Variants in ST8SIA5 observed in about 807,000 individuals in gnomAD.
The protein encoded by ST8SIA5 is alpha-2,8-sialyltransferase 8E.
A neutral mutation model predicts 40.2 loss-of-function variants in ST8SIA5; 24 were observed. That is an observed-to-expected ratio of 0.60 (90% confidence interval 0.43 to 0.84). The LOEUF is 0.84. ST8SIA5 is among the 40% of genes least tolerant of loss of function. ST8SIA5 has a pLI of 0.00. For synonymous variants in ST8SIA5, 198 were observed against 201.8 expected (o/e 0.98, Z 0.16); for missense variants, 465 against 498.5 (o/e 0.93, Z 0.64).
chr18:46,675,466 G>A lies in ST8SIA5; in HGVS notation c.*4576C>T, dbSNP rs1229788908. 1 of 152,154 alleles carries A rather than the reference G, an allele frequency of 6.6e-6. No individual in the cohort carries two copies. Among genetic ancestry groups the A allele is most frequent in the Non-Finnish European group, 1.5e-5 (1 of 68,040 alleles). 9.4% of individuals were successfully genotyped at this position (152,154 alleles called of 1,614,324 possible). A position where few individuals can be genotyped will look rare whatever the true frequency, so the allele number is the denominator to read the frequency against. On this transcript the variant is annotated 3_prime_UTR_variant, in exon 7 of 7. Coordinates refer to ENST00000315087, the MANE Select transcript of ST8SIA5 (RefSeq NM_013305.6). The stretch of plus-strand genomic sequence containing the variant: ...ACTATACCAGTTGAGGACATGTTGA[G>A]GTCTGAGATGCTGTGCAGACACAGA...
intron 2 of ST8SIA5, among the ~76,000 whole-genome samples, chr18:46,695,001 A>T (rs1174568128): frequency 1.3e-5 from 2 of 152,062 alleles, no homozygotes; most frequent in Non-Finnish European, 2.9e-5. Context: ...TCCACTAAAA[A>T]TACAAAAATT....
At chr18:46,687,247 TAAG>T (rs1306455393) in intron 4 of ST8SIA5, among the ~76,000 whole-genome samples, 5 of 152,244 alleles carry the variant, frequency 3.3e-5, no homozygotes, top group African/African-American at 1.2e-4. Flanking sequence ...TGGCATCTAA[TAAG>T]ATTGAAAGTG....
chr18:46,692,050 G>T (rs1010822248), intron 3 of ST8SIA5, 119 bp downstream of exon 3: 7 of 1,026,964 alleles, frequency 6.8e-6, no homozygotes, highest in Non-Finnish European at 9.1e-6. Flanking sequence ...GCCCAGTCAG[G>T]GTCTGCTCTG....
intron 2 of ST8SIA5, among the ~76,000 whole-genome samples, chr18:46,694,906 C>T (rs1599108400): frequency 6.6e-6 from 1 of 151,926 alleles, no homozygotes; most frequent in Admixed American, 6.6e-5. Context: ...CGTCTCTAAT[C>T]CCAGCACTTT....
At position 46,680,293 on chromosome 18, in the gene ST8SIA5, C is replaced by A; in HGVS notation, c.880G>T (p.Val294Leu). Residue 294 changes from valine to leucine, a missense_variant, in exon 7 of 7, where the codon GTG (valine) becomes TTG (leucine). Coordinates refer to ENST00000315087, the MANE Select transcript of ST8SIA5 (RefSeq NM_013305.6). Reference sequence around the variant, plus strand: ...CCGGTGCTGATGCGCTTGGCGCGCACCCCCAGGCTGAGCCAGTAGCGCGAC... The same window carrying A: ...CCGGTGCTGATGCGCTTGGCGCGCAACCCCAGGCTGAGCCAGTAGCGCGAC... ...NVSRYWLSLG[V>L]RAKRISTGLI... 6.2e-7 allele frequency: 1 copy of A among 1,614,208 alleles called. No homozygotes were observed. Among genetic ancestry groups the A allele is most frequent in the Non-Finnish European group, 8.5e-7 (1 of 1,180,040 alleles).
chr18:46,680,289 C>A lies in ST8SIA5; in HGVS notation c.884G>T (p.Arg295Leu). The A allele has an allele frequency of 6.2e-7, 1 of 1,614,192 alleles. No homozygotes were observed. The highest frequency in any genetic ancestry group is 2.2e-5 in the East Asian group (1 of 44,882). The change falls in exon 7 of 7, where the codon CGC becomes CTC. Residue 295 changes from arginine (R) to leucine (L), a missense_variant. Arg to Leu is a moderately radical substitution (Grantham distance 102). Transcript: ENST00000315087. ...VSRYWLSLGV[R>L]AKRISTGLIL... ...GAGGCCGGTGCTGATGCGCTTGGCG[C>A]GCACCCCCAGGCTGAGCCAGTAGCG...
At chr18:46,681,938 T>G (rs1398171681) in intron 6 of ST8SIA5, 34 bp downstream of exon 6, 13 of 1,608,116 alleles carry the variant, frequency 8.1e-6, no homozygotes, top group Non-Finnish European at 1.1e-5. Context: ...GCTACCATTT[T>G]GGACAGTGCA....
chr18:46,755,069 G>A (rs1039146776), intron 1 of ST8SIA5, among the ~76,000 whole-genome samples: 4 of 152,232 alleles, frequency 2.6e-5, no homozygotes, highest in Non-Finnish European at 4.4e-5. Context: ...ACCAGGGAAC[G>A]CTCCCTGGGA....
intron 1 of ST8SIA5, among the ~76,000 whole-genome samples, chr18:46,735,676 T>C (rs1055121450): frequency 2.2e-4 from 34 of 152,132 alleles, no homozygotes; most frequent in Admixed American, 2.2e-3. Flanking sequence ...GTAGCAGTGC[T>C]GTCATAGCTG....
Position 46,668,412 on chromosome 18 carries a change from T to C in ST8SIA5, c.*11630A>G, listed in dbSNP as rs2039288183. 6.6e-6 allele frequency: 1 copy of C among 152,266 alleles called. No individual in the cohort carries two copies. Among genetic ancestry groups the C allele is most frequent in the African/African-American group, 2.4e-5 (1 of 41,430 alleles). 9.4% of individuals were successfully genotyped at this position (152,266 alleles called of 1,614,324 possible). A position where few individuals can be genotyped will look rare whatever the true frequency, so the allele number is the denominator to read the frequency against. On this transcript the variant is annotated 3_prime_UTR_variant, in exon 7 of 7. Transcript: ENST00000315087. ...GGTGCCAGGAAACTGACACCACGCC[T>C]GGGCTGAAGCCACTCCCAGGCACAG...
rs1057311545 is a variant in ST8SIA5 at position 46,671,602 on chromosome 18, T to G, written c.*8440A>C. On this transcript the variant is annotated 3_prime_UTR_variant, in exon 7 of 7. Coordinates refer to ENST00000315087, the MANE Select transcript of ST8SIA5 (RefSeq NM_013305.6). ...CCCAGGCACAGGCTGAACCTATTGC[T>G]GCAGATCCACCAACCCCTTAGCTCA... 1 of 152,294 alleles carries G rather than the reference T, an allele frequency of 6.6e-6. No homozygotes were observed. The highest frequency in any genetic ancestry group is 1.5e-5 in the Non-Finnish European group (1 of 68,096). The allele number at this position is 152,294 out of a possible 1,614,324, so 9.4% of individuals were successfully genotyped here. A position where few individuals can be genotyped will look rare whatever the true frequency, so the allele number is the denominator to read the frequency against.
chr18:46,707,981 T>G (rs1404599969), intron 1 of ST8SIA5, among the ~76,000 whole-genome samples: 1 of 152,230 alleles, frequency 6.6e-6, no homozygotes, highest in East Asian at 1.9e-4. Flanking sequence ...ACAGCCACAT[T>G]AGGCCTGGCA....
chr18:46,692,379 T>C (rs1004245202), intron 2 of ST8SIA5, 124 bp from the exon 3 acceptor site: 1 of 753,632 alleles, frequency 1.3e-6, no homozygotes, highest in Non-Finnish European at 2.2e-6. Flanking sequence ...GCCCTTGGCA[T>C]TGACCATGTT....
intron 1 of ST8SIA5, 47 bp from the exon 2 acceptor site, chr18:46,704,711 TC>T: frequency 2.0e-6 from 3 of 1,509,404 alleles, no homozygotes; most frequent in Middle Eastern, 1.7e-4. Context: ...GGTCAGGATG[TC>T]CAGGGCCTGC....
chr18:46,696,765 AC>A (rs561826715), intron 2 of ST8SIA5, among the ~76,000 whole-genome samples: 2 of 152,342 alleles, frequency 1.3e-5, no homozygotes, highest in South Asian at 2.1e-4. Flanking sequence ...CTCCCAAGAC[AC>A]CACTAACATT....
In ST8SIA5 at chr18:46,679,217, A is replaced by G. The variant is rs1263898101; in HGVS notation, c.*825T>C. 1 of 152,258 alleles carries G rather than the reference A, an allele frequency of 6.6e-6. No individual in the cohort carries two copies. Among genetic ancestry groups the G allele is most frequent in the Non-Finnish European group, 1.5e-5 (1 of 68,046 alleles). The allele number at this position is 152,258 out of a possible 1,614,324, so 9.4% of individuals were successfully genotyped here. Reference sequence around the variant, plus strand: ...CCAATTGCTAAGCACTTATTGAGTCAATAACATTGGCTTGGAAGCCATAGT... The same window carrying G: ...CCAATTGCTAAGCACTTATTGAGTCGATAACATTGGCTTGGAAGCCATAGT... On this transcript the variant is annotated 3_prime_UTR_variant, in exon 7 of 7. Coordinates refer to ENST00000315087, the MANE Select transcript of ST8SIA5 (RefSeq NM_013305.6).
chr18:46,717,282 A>G (rs1265106765), intron 1 of ST8SIA5, among the ~76,000 whole-genome samples: 2 of 152,110 alleles, frequency 1.3e-5, no homozygotes, highest in Non-Finnish European at 1.5e-5. Flanking sequence ...AGGGGTGTTC[A>G]GGAGGAGGTC....
At chr18:46,690,306 T>C (rs1409532814) in intron 3 of ST8SIA5, among the ~76,000 whole-genome samples, 1 of 152,196 alleles carries the variant, frequency 6.6e-6, no homozygotes, top group African/African-American at 2.4e-5. Context: ...TGACACTCCC[T>C]CATGGCACCA....
At chr18:46,755,955 C>T (rs1349079289) in intron 1 of ST8SIA5, among the ~76,000 whole-genome samples, 1 of 150,976 alleles carries the variant, frequency 6.6e-6, no homozygotes, top group African/African-American at 2.5e-5. Context: ...GTTCAGGACT[C>T]GCGAGGTTAT....
Sources: allele counts gnomAD v4.1 joint callset (sites outside exome capture counted in the v4.1 genomes callset), GRCh38; gene constraint gnomAD v4.1.1; transcripts MANE v1.5; gene names NCBI Gene and HGNC (gene_info 2026-07-23, HGNC 2026-07-21).